The following BNC2 variants were observed in gnomAD, a reference collection of about 807,000 sequenced individuals.
The protein encoded by BNC2 is basonuclin zinc finger protein 2, also known as zinc finger protein basonuclin-2.
A neutral mutation model predicts 76.3 loss-of-function variants in BNC2; 20 were observed. The ratio of observed to expected loss-of-function variants is 0.26; its 90% CI spans 0.18 to 0.38. The LOEUF is 0.38. Ranked by LOEUF, BNC2 falls within the 10% of genes least tolerant of loss-of-function variation. The pLI is 1.00. For missense variants in BNC2, 1,382 were observed against 1,399.8 expected, an observed-to-expected ratio of 0.99 and a Z score of 0.20; for synonymous variants, 582 against 514.8, an observed-to-expected ratio of 1.13 and a Z score of -1.77.
intron 3 of BNC2, among the ~76,000 whole-genome samples, chr9:16,691,501 G>GTTTTTTTTTTTTTT (rs1823162064): frequency 2.1e-5 from 2 of 95,296 alleles, no homozygotes; most frequent in African/African-American, 8.3e-5. Context: ...ATGGGTATGG[G>GTTTTTTTTTTTTTT]TTCTTTTTTT....
At chr9:16,805,066 G>GA (rs1048685922) in intron 1 of BNC2, among the ~76,000 whole-genome samples, 3 of 151,186 alleles carry the variant, frequency 2.0e-5, no homozygotes, top group Admixed American at 6.6e-5. Context: ...CGTCTCAAAA[G>GA]AAAAAAAAGT....
intron 4 of BNC2, among the ~76,000 whole-genome samples, chr9:16,555,179 TG>T (rs1818786896): frequency 8.9e-5 from 11 of 123,560 alleles, no homozygotes. Flanking sequence ...CCACCACGCC[TG>T]ACTAATTTTT....
At chr9:16,805,725 A>T (rs753855548) in intron 1 of BNC2, among the ~76,000 whole-genome samples, 3 of 151,890 alleles carry the variant, frequency 2.0e-5, no homozygotes. Flanking sequence ...ACACACACAC[A>T]CACACACACA....
At chr9:16,432,813 A>G (rs1021840093) in intron 6 of BNC2, among the ~76,000 whole-genome samples, 1 of 152,228 alleles carries the variant, frequency 6.6e-6, no homozygotes, top group African/African-American at 2.4e-5. Flanking sequence ...GAAAAAGGTA[A>G]GAAAACTTGT....
intron 4 of BNC2, among the ~76,000 whole-genome samples, chr9:16,582,226 G>A (rs184007973): frequency 1.1e-3 from 156 of 137,486 alleles, no homozygotes; most frequent in African/African-American, 4.4e-3. Flanking sequence ...AAAAAAAAAC[G>A]TCTGCTTATT....
At chr9:16,771,871 C>A (rs1825842380) in intron 1 of BNC2, among the ~76,000 whole-genome samples, 1 of 152,174 alleles carries the variant, frequency 6.6e-6, no homozygotes, top group Non-Finnish European at 1.5e-5. Context: ...ACATTTCCAA[C>A]ATTGAAATAT....
Position 16,412,759 on chromosome 9 carries a change from G to GAGAGAGAGAGAGAGAGAGAA in BNC2, c.*6229_*6230insTTCTCTCTCTCTCTCTCTCT. ...AGAGAGAGAGAGAGAGAGAGAGAGA[G>GAGAGAGAGAGAGAGAGAGAA]AGAGAGACTGACTGATTGTGGATGT... On this transcript the variant is annotated 3_prime_UTR_variant, in exon 7 of 7. Coordinates refer to ENST00000380672, the MANE Select transcript of BNC2 (RefSeq NM_017637.6). 1 of 131,414 alleles carries GAGAGAGAGAGAGAGAGAGAA rather than the reference G, an allele frequency of 7.6e-6. No homozygotes were observed. Among genetic ancestry groups the GAGAGAGAGAGAGAGAGAGAA allele is most frequent in the Non-Finnish European group, 1.6e-5 (1 of 61,430 alleles). 8.1% of individuals were successfully genotyped at this position (131,414 alleles called of 1,614,324 possible). A position where few individuals can be genotyped will look rare whatever the true frequency, so the allele number is the denominator to read the frequency against.
At chr9:16,627,889 A>C (rs563073896) in intron 3 of BNC2, among the ~76,000 whole-genome samples, 21 of 152,318 alleles carry the variant, frequency 1.4e-4, no homozygotes, top group African/African-American at 5.1e-4. Flanking sequence ...CAGTGTTGAT[A>C]ATTTTTACCA....
intron 5 of BNC2, among the ~76,000 whole-genome samples, chr9:16,491,875 T>TA (rs1338936462): frequency 6.6e-6 from 1 of 152,236 alleles, no homozygotes; most frequent in Non-Finnish European, 1.5e-5. Context: ...CTTTAAAATA[T>TA]ATTGATGTCC....
chr9:16,653,286 T>C (rs1821841013), intron 3 of BNC2, among the ~76,000 whole-genome samples: 1 of 152,004 alleles, frequency 6.6e-6, no homozygotes. Context: ...GCTTTTGAAA[T>C]AGAGAAGAGG....
intron 1 of BNC2, among the ~76,000 whole-genome samples, chr9:16,793,865 T>G (rs1311539925): frequency 7.9e-6 from 1 of 126,478 alleles, no homozygotes; most frequent in Non-Finnish European, 1.6e-5. Flanking sequence ...TTTTTGTTTT[T>G]TTGTTTTTTT....
chr9:16,526,608 T>G (rs1817811852), intron 5 of BNC2, among the ~76,000 whole-genome samples: 1 of 149,882 alleles, frequency 6.7e-6, no homozygotes, highest in Non-Finnish European at 1.5e-5. Context: ...ACTAAAAGGG[T>G]AAAAAGCAAT....
intron 1 of BNC2, among the ~76,000 whole-genome samples, chr9:16,858,882 G>A (rs547510869): frequency 6.6e-6 from 1 of 151,970 alleles, no homozygotes; most frequent in South Asian, 2.1e-4. Flanking sequence ...AAACTTCTGT[G>A]CTGCAAAAGC....
At chr9:16,866,419 C>T (rs558999730) in intron 1 of BNC2, among the ~76,000 whole-genome samples, 5 of 151,686 alleles carry the variant, frequency 3.3e-5, no homozygotes, top group African/African-American at 4.8e-5. Context: ...GAAGTTAACC[C>T]ACTTCTCGGT....
intron 1 of BNC2, among the ~76,000 whole-genome samples, chr9:16,819,001 C>A (rs1818251415): frequency 6.6e-6 from 1 of 152,198 alleles, no homozygotes; most frequent in Non-Finnish European, 1.5e-5. Context: ...CCCTTCATCT[C>A]TTATCCCCAT....
intron 1 of BNC2, among the ~76,000 whole-genome samples, chr9:16,844,488 CTTTTCTTT>C (rs947385846): frequency 7.9e-6 from 1 of 125,964 alleles, no homozygotes; most frequent in African/African-American, 2.9e-5. Context: ...GAATATTTTT[CTTTTCTTT>C]TTTTTTTTTT....
At chr9:16,421,116 G>A (rs926568354) in intron 6 of BNC2, 15 of 285,548 alleles carry the variant, frequency 5.3e-5, no homozygotes. Flanking sequence ...ATTTCCTAGA[G>A]ATGGTTGAGA....
At chr9:16,460,129 T>C (rs562954845) in intron 5 of BNC2, among the ~76,000 whole-genome samples, 22 of 152,240 alleles carry the variant, frequency 1.4e-4, no homozygotes, top group African/African-American at 4.6e-4. Context: ...AGTTATAATA[T>C]AGAGAAGTCA....
At chr9:16,818,695 T>C (rs1314849422) in intron 1 of BNC2, among the ~76,000 whole-genome samples, 1 of 150,850 alleles carries the variant, frequency 6.6e-6, no homozygotes, top group Non-Finnish European at 1.5e-5. Context: ...GAACTAGTTT[T>C]TACTGTTGTT....
Sources: allele counts gnomAD v4.1 joint callset (sites outside exome capture counted in the v4.1 genomes callset), GRCh38; gene constraint gnomAD v4.1.1; transcripts MANE v1.5; gene names NCBI Gene and HGNC (gene_info 2026-07-23, HGNC 2026-07-21).